Variants in LPXN observed in about 807,000 individuals in gnomAD.
LPXN encodes the protein leupaxin.
Under a neutral mutation model 45.6 loss-of-function variants are expected in LPXN, and 28 were observed. That is an observed-to-expected ratio of 0.61 (90% confidence interval 0.45 to 0.84). The LOEUF is 0.84. LPXN is among the 40% of genes least tolerant of loss of function. The pLI is 0.00. For missense variants in LPXN, 459 were observed against 475.0 expected (o/e 0.97, Z 0.31); for synonymous variants, 166 against 169.9 (o/e 0.98, Z 0.18).
intron 8 of LPXN, 21 bp from the exon 9 acceptor site, chr11:58,527,744 A>G (rs1565181261): frequency 1.2e-6 from 2 of 1,602,980 alleles, no homozygotes; most frequent in Non-Finnish European, 1.7e-6. Context: ...GAGAAGAGAG[A>G]GAAAAAGAAT....
chr11:58,533,842 C>T (rs781359171), intron 7 of LPXN, among the ~76,000 whole-genome samples: 15 of 148,032 alleles, frequency 1.0e-4, no homozygotes, highest in African/African-American at 3.0e-4. Flanking sequence ...ACCAAGTAAA[C>T]GGAAAGAAAA....
intron 7 of LPXN, among the ~76,000 whole-genome samples, chr11:58,543,429 C>T (rs550326518): frequency 6.8e-4 from 104 of 152,266 alleles, no homozygotes; most frequent in African/African-American, 2.4e-3. Context: ...TTAGTATTTA[C>T]TTAGAGAGAC....
intron 3 of LPXN, among the ~76,000 whole-genome samples, chr11:58,560,263 C>G (rs1565200148): frequency 1.3e-5 from 2 of 152,160 alleles, no homozygotes; most frequent in Non-Finnish European, 2.9e-5. Context: ...AGTTATTATA[C>G]ACACACATAC....
intron 4 of LPXN, 64 bp downstream of exon 4, chr11:58,554,777 T>G: frequency 1.6e-6 from 2 of 1,234,906 alleles, no homozygotes; most frequent in Non-Finnish European, 2.3e-6. Context: ...GGTGACCCCA[T>G]GGGCCCTGTT....
chr11:58,555,003 C>T (rs1700174458), intron 3 of LPXN, 63 bp from the exon 4 acceptor site: 3 of 1,044,790 alleles, frequency 2.9e-6, no homozygotes, highest in African/African-American at 3.1e-5. Flanking sequence ...TTAAACCACA[C>T]ATAAAGTACT....
At chr11:58,565,316 G>A (rs1316028086) in intron 2 of LPXN, among the ~76,000 whole-genome samples, 1 of 152,000 alleles carries the variant, frequency 6.6e-6, no homozygotes, top group African/African-American at 2.4e-5. Flanking sequence ...GGCGGATCAC[G>A]AGGTCAGGAG....
Position 58,570,651 on chromosome 11 carries a change from C to T in LPXN, c.76G>A (p.Ala26Thr). 13 of 1,613,916 alleles carry T rather than the reference C, an allele frequency of 8.1e-6. No individual in the cohort carries two copies. The highest frequency in any genetic ancestry group is 1.1e-5 in the Non-Finnish European group (13 of 1,179,918). Residue 26 changes from alanine (A) to threonine (T), a missense_variant, in exon 2 of 9, where the codon GCT becomes ACT. By Grantham distance (58) the Ala-to-Thr change is moderately conservative. Coordinates refer to ENST00000395074, the MANE Select transcript of LPXN (RefSeq NM_004811.3). ...LQDSDEYSNP[A>T]PLPLDQHSRK... Reference sequence around the variant, plus strand: ...GAATGCTGATCCAGGGGAAGAGGAGCTGGGTTGGAATATTCATCACTGTCC... The same window carrying T: ...GAATGCTGATCCAGGGGAAGAGGAGTTGGGTTGGAATATTCATCACTGTCC...
At chr11:58,548,961 A>C (rs569770147) in intron 7 of LPXN, among the ~76,000 whole-genome samples, 87 of 152,300 alleles carry the variant, frequency 5.7e-4, no homozygotes, top group African/African-American at 2.1e-3. Flanking sequence ...TATTGAAAAA[A>C]CAGGGGAGGG....
At chr11:58,576,235 T>C (rs539601161), upstream of LPXN, among the ~76,000 whole-genome samples, 2 of 152,212 alleles carry the variant, frequency 1.3e-5, no homozygotes, top group East Asian at 1.9e-4. Context: ...TTCTTAAAAT[T>C]TGCATCAGAG....
At chr11:58,578,233 G>C (rs1169269772), upstream of LPXN, 1 of 684,418 alleles carries the variant, frequency 1.5e-6, no homozygotes, top group East Asian at 3.3e-5. Context: ...GGCACGCGTC[G>C]CGACCTAACC....
intron 7 of LPXN, among the ~76,000 whole-genome samples, chr11:58,538,378 C>T (rs1265928835): frequency 6.6e-6 from 1 of 152,068 alleles, no homozygotes; most frequent in Non-Finnish European, 1.5e-5. Flanking sequence ...AACTAGTTTA[C>T]AGTCCCACCA....
intron 7 of LPXN, among the ~76,000 whole-genome samples, chr11:58,530,917 T>C (rs969265569): frequency 1.3e-5 from 2 of 152,224 alleles, no homozygotes. Context: ...AAACAGGGTC[T>C]GGAGTCGACC....
At chr11:58,559,963 G>A (rs1222986343) in intron 3 of LPXN, among the ~76,000 whole-genome samples, 12 of 152,172 alleles carry the variant, frequency 7.9e-5, no homozygotes, top group Non-Finnish European at 1.5e-4. Context: ...ACATAAGTCT[G>A]TAAGGAGAAG....
chr11:58,531,313 C>G (rs755356245), intron 7 of LPXN, among the ~76,000 whole-genome samples: 2 of 151,980 alleles, frequency 1.3e-5, no homozygotes, highest in Non-Finnish European at 2.9e-5. Flanking sequence ...ACCTTGAAAA[C>G]AGGTTAGACA....
Position 58,566,782 on chromosome 11 carries a change from G to A in LPXN, c.172-2581C>T, listed in dbSNP as rs75053555. Among the ~76,000 whole-genome samples, 86 of 152,200 alleles carry A rather than the reference G, an allele frequency of 5.7e-4. 1 individual carries two copies. The East Asian group carries it at 0.01, about 18-fold the overall frequency. On this transcript the variant is annotated intron_variant, in intron 2 of 8. Coordinates refer to ENST00000395074, the MANE Select transcript of LPXN (RefSeq NM_004811.3). ...TTCATGCTACATTCATTCAGTAATC[G>A]ATTAAAAATTTCCAACTGGTCTTGA...
At chr11:58,578,456 G>GC (rs142922608), upstream of LPXN, among the ~76,000 whole-genome samples, 1,518 of 152,300 alleles carry the variant, frequency 1.0e-2, 26 homozygotes, top group African/African-American at 0.035. Context: ...GGCCCTCGTT[G>GC]CCCCCACAAC....
intron 2 of LPXN, among the ~76,000 whole-genome samples, chr11:58,569,450 G>A (rs576257426): frequency 5.9e-5 from 9 of 151,820 alleles, no homozygotes; most frequent in South Asian, 4.1e-4. Context: ...ATGGAGTGGC[G>A]CAATCATAGC....
At chr11:58,560,153 G>A (rs780970810) in intron 3 of LPXN, among the ~76,000 whole-genome samples, 1 of 152,130 alleles carries the variant, frequency 6.6e-6, no homozygotes, top group Non-Finnish European at 1.5e-5. Context: ...ACAAAACACA[G>A]GTCATCTATA....
rs1280240443 is a variant in LPXN, at chr11:58,575,804, G to A, written c.-32C>T. 2 of 1,614,094 alleles carry A rather than the reference G, an allele frequency of 1.2e-6. No homozygotes were observed. Among genetic ancestry groups the A allele is most frequent in the East Asian group, 4.5e-5 (2 of 44,902 alleles). On this transcript the variant is annotated 5_prime_UTR_variant, in exon 1 of 9. Transcript: ENST00000395074. ...ACATCCAAGATGCTCTTGTCTCACA[G>A]GCCGTGAGGAACAGCTTTGGCATGT...
Sources: allele counts gnomAD v4.1 joint callset (sites outside exome capture counted in the v4.1 genomes callset), GRCh38; gene constraint gnomAD v4.1.1; transcripts MANE v1.5; gene names NCBI Gene and HGNC (gene_info 2026-07-23, HGNC 2026-07-21).